The following GRAMD1B variants were observed in gnomAD, a reference collection of about 807,000 sequenced individuals.
GRAMD1B encodes GRAM domain containing 1B, also known as protein Aster-B.
In GRAMD1B, 37 loss-of-function variants were observed where a neutral mutation model predicts 99.7. The observed-to-expected ratio is 0.37, with a 90% confidence interval of 0.29 to 0.49. The LOEUF (loss-of-function observed/expected upper bound fraction) is 0.49, where lower values mean the gene tolerates loss of function less well. Ranked by LOEUF, GRAMD1B falls within the 20% of genes least tolerant of loss-of-function variation. GRAMD1B has a pLI of 0.98. For missense variants in GRAMD1B, 888 were observed against 1,009.2 expected, an observed-to-expected ratio of 0.88 and a Z score of 1.63; for synonymous variants, 427 against 387.6, an observed-to-expected ratio of 1.10 and a Z score of -1.19.
intron 1 of GRAMD1B, among the ~76,000 whole-genome samples, chr11:123,418,976 G>A (rs1024217561): frequency 6.6e-6 from 1 of 152,196 alleles, no homozygotes; most frequent in African/African-American, 2.4e-5. Context: ...GTCTTAGGGT[G>A]GGAGGAACAT....
At chr11:123,425,653 G>T (rs1948621912), upstream of GRAMD1B, among the ~76,000 whole-genome samples, 1 of 152,164 alleles carries the variant, frequency 6.6e-6, no homozygotes, top group African/African-American at 2.4e-5. Context: ...ACTGCCCAGG[G>T]CTCTATTCTC....
chr11:123,475,520 A>C (rs1441514795), intron 1 of GRAMD1B, among the ~76,000 whole-genome samples: 1 of 152,236 alleles, frequency 6.6e-6, no homozygotes, highest in Non-Finnish European at 1.5e-5. Flanking sequence ...AATGTACAGC[A>C]GGAGGGATTA....
intron 2 of GRAMD1B, among the ~76,000 whole-genome samples, chr11:123,574,988 A>G (rs1948563447): frequency 6.6e-6 from 1 of 152,206 alleles, no homozygotes; most frequent in South Asian, 2.1e-4. Context: ...CAACAGCCTT[A>G]AGAGCACAGA....
rs2136416729 is a variant in GRAMD1B, at chr11:123,587,778, G to A, written c.684+3446G>A. Among the ~76,000 whole-genome samples, 1 of 152,304 alleles carries A rather than the reference G, an allele frequency of 6.6e-6. No individual in the cohort carries two copies. Among genetic ancestry groups the A allele is most frequent in the Middle Eastern group, 3.4e-3 (1 of 294 alleles). On this transcript the variant is annotated intron_variant, in intron 4 of 19. Transcript: ENST00000635736. This position sits in a 1 kb window ranked among gnomAD's most constrained non-coding sequence, Gnocchi z 4.2. The stretch of plus-strand genomic sequence containing the variant: ...GGGATAGTGCCAAGCCTGGGGAGTG[G>A]CTGGCACAAGCGAGAAAGCAAAAGA...
intron 1 of GRAMD1B, among the ~76,000 whole-genome samples, chr11:123,394,157 A>C (rs1488499232): frequency 1.3e-5 from 2 of 152,242 alleles, no homozygotes; most frequent in Non-Finnish European, 2.9e-5. Context: ...CGCATGAACC[A>C]GACATGTAAA....
chr11:123,477,424 A>G (rs1951343459), intron 1 of GRAMD1B, among the ~76,000 whole-genome samples: 1 of 150,794 alleles, frequency 6.6e-6, no homozygotes, highest in Non-Finnish European at 1.5e-5. Flanking sequence ...TCACTGGACT[A>G]GCTGTCTTGA....
chr11:123,509,975 G>T (rs760301282), intron 2 of GRAMD1B: 1 of 152,236 alleles, frequency 6.6e-6, no homozygotes, highest in Non-Finnish European at 1.5e-5. Flanking sequence ...TGGAGTGGGG[G>T]GGTGTGAACC....
At chr11:123,406,905 A>G (rs370783759) in intron 1 of GRAMD1B, among the ~76,000 whole-genome samples, 1 of 152,236 alleles carries the variant, frequency 6.6e-6, no homozygotes. Flanking sequence ...TCAATGTGCC[A>G]GACACTGTTT....
chr11:123,551,646 G>A (rs1219337117), intron 2 of GRAMD1B, among the ~76,000 whole-genome samples: 1 of 152,174 alleles, frequency 6.6e-6, no homozygotes, highest in African/African-American at 2.4e-5. Flanking sequence ...ACCTGGGATT[G>A]TGGGCAAATG....
intron 7 of GRAMD1B, chr11:123,598,495 T>A (rs1390810698): frequency 4.0e-6 from 5 of 1,238,818 alleles, no homozygotes; most frequent in African/African-American, 1.5e-5. Context: ...AGAAAAGCAA[T>A]GTCTTTGTTC....
rs908984005 is a variant in GRAMD1B at position 123,623,743 on chromosome 11, G to A, written c.*1148G>A. 6.6e-6 allele frequency: 1 copy of A among 152,272 alleles called. No individual in the cohort carries two copies. Among genetic ancestry groups the A allele is most frequent in the Admixed American group, 6.5e-5 (1 of 15,280 alleles). 9.4% of individuals were successfully genotyped at this position (152,272 alleles called of 1,614,324 possible). The stretch of plus-strand genomic sequence containing the variant: ...GTTTGCACATAGAAAAAGCATCTGA[G>A]CCACTGGAGGGAAGGATTTGGCAAA... On this transcript the variant is annotated 3_prime_UTR_variant, in exon 20 of 20. Transcript: ENST00000635736.
At chr11:123,531,636 T>C (rs577343313) in intron 2 of GRAMD1B, among the ~76,000 whole-genome samples, 45 of 152,198 alleles carry the variant, frequency 3.0e-4, no homozygotes, top group Non-Finnish European at 5.4e-4. Flanking sequence ...AAGACACTTC[T>C]CATCTCTTGC....
intron 4 of GRAMD1B, among the ~76,000 whole-genome samples, chr11:123,592,599 T>C (rs1312159982): frequency 2.0e-5 from 3 of 152,328 alleles, no homozygotes; most frequent in East Asian, 3.9e-4. Context: ...GTGTGTGGAC[T>C]CTGTTCTAAG....
intron 14 of GRAMD1B, among the ~76,000 whole-genome samples, chr11:123,612,175 C>A (rs1953691174): frequency 6.6e-6 from 1 of 151,996 alleles, no homozygotes; most frequent in Admixed American, 6.6e-5. Context: ...CAGCCTCAAC[C>A]TCCACCTCAA....
chr11:123,577,503 C>A lies in GRAMD1B; in HGVS notation c.589C>A (p.Pro197Thr). 6.2e-7 allele frequency: 1 copy of A among 1,601,560 alleles called. No homozygotes were observed. Among genetic ancestry groups the A allele is most frequent in the East Asian group, 2.3e-5 (1 of 43,986 alleles). ...KGSDHSSDKS[P>T]STPEQGVQRS... ...CTCAGATCACTCCTCGGACAAGTCCCCGTCCACACCGGAGCAGGGCGTGCA... is the reference window on the plus strand; with the variant it reads ...CTCAGATCACTCCTCGGACAAGTCCACGTCCACACCGGAGCAGGGCGTGCA... The change falls in exon 3 of 20, where the codon CCG (proline) becomes ACG (threonine). Residue 197 changes from proline to threonine, a missense_variant. By Grantham distance (38) the Pro-to-Thr change is conservative (BLOSUM62 -1). This residue lies in a region of GRAMD1B where 233 missense variants were observed against 154.6 expected (regional missense o/e 1.51). Transcript: ENST00000635736.
At chr11:123,609,753 C>G (rs1438605381) in intron 12 of GRAMD1B, 42 bp from the exon 13 acceptor site, 3 of 1,132,166 alleles carry the variant, frequency 2.6e-6, no homozygotes, top group Non-Finnish European at 1.3e-6. Flanking sequence ...GGAGAGGGCT[C>G]TGCCCTCCCT....
At chr11:123,376,213 A>G (rs1370782643) in intron 1 of GRAMD1B, among the ~76,000 whole-genome samples, 1 of 152,150 alleles carries the variant, frequency 6.6e-6, no homozygotes, top group East Asian at 1.9e-4. Context: ...ATGGGCAATC[A>G]CCCATAGTAC....
In GRAMD1B at chr11:123,625,977, A is replaced by AGAGAGATC. The variant is rs1373331977; in HGVS notation, c.*3386_*3387insGATCGAGA. On this transcript the variant is annotated 3_prime_UTR_variant, in exon 20 of 20. Transcript: ENST00000635736. ...GAGAGAGAGAGAGAGAGAGAGAGAG[A>AGAGAGATC]GAGATCGAGCTTGATGTATTGCTCA... 9 of 144,506 alleles carry AGAGAGATC rather than the reference A, an allele frequency of 6.2e-5. No individual in the cohort carries two copies. The highest frequency in any genetic ancestry group is 2.3e-4 in the African/African-American group (9 of 38,580). 9.0% of individuals were successfully genotyped at this position (144,506 alleles called of 1,614,324 possible). A position where few individuals can be genotyped will look rare whatever the true frequency, so the allele number is the denominator to read the frequency against.
At chr11:123,404,392 G>A (rs1591445457) in intron 1 of GRAMD1B, among the ~76,000 whole-genome samples, 1 of 152,332 alleles carries the variant, frequency 6.6e-6, no homozygotes, top group Non-Finnish European at 1.5e-5. Flanking sequence ...GTCGATATGG[G>A]AAAGCAAGAA....
Sources: gnomAD v4.1 joint callset for allele counts (sites outside exome capture counted in the v4.1 genomes callset) on GRCh38, gnomAD v4.1.1 for gene constraint, gnomAD v4.1.1 regional missense constraint, Gnocchi (gnomAD v3.1) non-coding constraint, MANE v1.5 for transcripts, NCBI Gene and HGNC (gene_info 2026-07-23, HGNC 2026-07-21) for gene names.